Variants in MBD5 observed in about 807,000 individuals in gnomAD.
MBD5 encodes methyl-CpG binding domain protein 5.
In MBD5, 13 loss-of-function variants were observed where a neutral mutation model predicts 117.3. The ratio of observed to expected loss-of-function variants is 0.11; its 90% CI spans 0.07 to 0.18. The LOEUF is 0.18. Among genes scored for constraint, MBD5 ranks in the 10% least tolerant of loss-of-function variants. The pLI is 1.00. For synonymous variants in MBD5, 727 were observed against 766.4 expected (o/e 0.95, Z 0.85); for missense variants, 1,879 against 2,093.8 (o/e 0.90, Z 2.00).
intron 4 of MBD5, among the ~76,000 whole-genome samples, chr2:148,374,131 G>T (rs1396192605): frequency 6.6e-6 from 1 of 151,724 alleles, no homozygotes; most frequent in Non-Finnish European, 1.5e-5. Context: ...TGTTTGATTG[G>T]GTTGTAGTGA....
chr2:148,356,067 A>T (rs1703372927), intron 4 of MBD5, among the ~76,000 whole-genome samples: 1 of 152,014 alleles, frequency 6.6e-6, no homozygotes, highest in Non-Finnish European at 1.5e-5. Context: ...TAAGTATTTT[A>T]TTCTCTTTGT....
chr2:148,398,594 C>G (rs961142454), intron 4 of MBD5, among the ~76,000 whole-genome samples: 24 of 152,214 alleles, frequency 1.6e-4, no homozygotes, highest in Non-Finnish European at 2.5e-4. Context: ...TTCTCCCATT[C>G]TGTAGGTTGC....
At chr2:148,315,961 C>T (rs755370629) in intron 3 of MBD5, among the ~76,000 whole-genome samples, 21 of 152,088 alleles carry the variant, frequency 1.4e-4, no homozygotes, top group Non-Finnish European at 2.2e-4. Flanking sequence ...ATAGGCTGTA[C>T]AGGAAGCATG....
intron 1 of MBD5, among the ~76,000 whole-genome samples, chr2:148,070,179 A>G (rs939903181): frequency 3.3e-5 from 5 of 152,140 alleles, no homozygotes; most frequent in African/African-American, 1.2e-4. Flanking sequence ...TTTAGCTCCC[A>G]CATATGACTG....
chr2:148,285,488 A>G (rs1205392850), intron 3 of MBD5, among the ~76,000 whole-genome samples: 1 of 152,234 alleles, frequency 6.6e-6, no homozygotes, highest in Non-Finnish European at 1.5e-5. Flanking sequence ...TGAAGCATCT[A>G]CTTTCTTTAT....
intron 1 of MBD5, among the ~76,000 whole-genome samples, chr2:148,103,847 A>T (rs2105313223): frequency 6.6e-6 from 1 of 152,300 alleles, no homozygotes; most frequent in East Asian, 1.9e-4. Context: ...TATATAATTC[A>T]TATTATTAAA....
intron 1 of MBD5, among the ~76,000 whole-genome samples, chr2:148,149,899 A>T (rs1697594784): frequency 1.4e-5 from 2 of 142,382 alleles, no homozygotes; most frequent in East Asian, 2.1e-4. Flanking sequence ...TTGCCTGTTC[A>T]CTCTGATGGT....
chr2:148,271,468 C>T (rs1700985292), intron 3 of MBD5, among the ~76,000 whole-genome samples: 1 of 152,150 alleles, frequency 6.6e-6, no homozygotes, highest in Non-Finnish European at 1.5e-5. Flanking sequence ...TTTTCGTGCT[C>T]TCCTTGAGTT....
chr2:148,044,478 T>C (rs547596386), intron 1 of MBD5: 1 of 152,286 alleles, frequency 6.6e-6, no homozygotes, highest in Non-Finnish European at 1.5e-5. Context: ...ATGCGATGTA[T>C]TTTAGTCAAC....
intron 4 of MBD5, among the ~76,000 whole-genome samples, chr2:148,442,447 G>A (rs1471613119): frequency 2.6e-5 from 4 of 151,256 alleles, no homozygotes; most frequent in Non-Finnish European, 4.4e-5. Context: ...TGTGCTCACA[G>A]AGCTTACATT....
chr2:148,099,377 TATA>T (rs1049443906), intron 1 of MBD5, among the ~76,000 whole-genome samples: 3 of 152,142 alleles, frequency 2.0e-5, no homozygotes, highest in African/African-American at 7.2e-5. Flanking sequence ...TATATATTTT[TATA>T]ATAATATTGT....
At chr2:148,460,849 C>G (rs2105554573) in intron 5 of MBD5, among the ~76,000 whole-genome samples, 1 of 152,270 alleles carries the variant, frequency 6.6e-6, no homozygotes, top group South Asian at 2.1e-4. Flanking sequence ...CGTCCATATA[C>G]TTTCTTCTAA....
chr2:148,406,596 G>T lies in MBD5; in HGVS notation c.-556-51607G>T, dbSNP rs556671284. 3.4e-4 allele frequency among the ~76,000 whole-genome samples: 51 copies of T among 152,178 alleles called. No individual in the cohort carries two copies. The South Asian group carries it at 0.01, about 31-fold the overall frequency. ...CATCTCATTGCAATTAAAATAAAAA[G>T]CAAAACATTATGATGTCTAATAAAT... On this transcript the variant is annotated intron_variant, in intron 4 of 13. Coordinates refer to ENST00000642680, the MANE Select transcript of MBD5 (RefSeq NM_001378120.1).
At position 148,468,413 on chromosome 2, in the gene MBD5, C is replaced by A. The variant is rs746552052; in HGVS notation, c.470C>A (p.Thr157Lys). ...AGAAATAAGTCTCATGAAGGAATTA[C>A]AAATTCTGTAATGCCTGAATGTAAG... ...SVRNKSHEGI[T>K]NSVMPECKNP... The change falls in exon 8 of 14, where the codon ACA becomes AAA. Residue 157 changes from threonine (T) to lysine (K), a missense_variant. Physicochemically the swap from Thr to Lys is moderately conservative, Grantham distance 78. Around this residue, in one of 4 missense-constraint regions of MBD5, gnomAD observed 1,666 missense variants for 1,792.2 expected, o/e 0.93. Transcript: ENST00000642680. The A allele has an allele frequency of 6.2e-7, 1 of 1,613,718 alleles. No individual in the cohort carries two copies. Among genetic ancestry groups the A allele is most frequent in the Non-Finnish European group, 8.5e-7 (1 of 1,179,780 alleles).
chr2:148,403,346 AT>A (rs1704981710), intron 4 of MBD5, among the ~76,000 whole-genome samples: 1 of 151,924 alleles, frequency 6.6e-6, no homozygotes, highest in Non-Finnish European at 1.5e-5. Context: ...CACTCAGCTA[AT>A]TTTTGTACTT....
At chr2:148,332,644 G>A (rs900292488) in intron 3 of MBD5, among the ~76,000 whole-genome samples, 5 of 152,066 alleles carry the variant, frequency 3.3e-5, no homozygotes, top group African/African-American at 4.8e-5. Context: ...AGCCTCCAGT[G>A]TTGAAAAGTT....
chr2:148,072,824 T>A (rs1009144220), intron 1 of MBD5, among the ~76,000 whole-genome samples: 4 of 152,220 alleles, frequency 2.6e-5, no homozygotes, highest in Admixed American at 6.5e-5. Context: ...ATATTTCTTT[T>A]CAACAGTGGT....
chr2:148,469,119 G>A lies in MBD5; in HGVS notation c.1176G>A (p.Met392Ile). 6.2e-7 allele frequency: 1 copy of A among 1,614,028 alleles called. No homozygotes were observed. The highest frequency in any genetic ancestry group is 2.2e-5 in the East Asian group (1 of 44,856). Residue 392 changes from methionine (M) to isoleucine (I), a missense_variant, in exon 8 of 14, where the codon ATG becomes ATA. Physicochemically the swap from Met to Ile is conservative, Grantham distance 10 (BLOSUM62 1). Around this residue, in one of 4 missense-constraint regions of MBD5, gnomAD observed 1,666 missense variants for 1,792.2 expected, o/e 0.93. Coordinates refer to ENST00000642680, the MANE Select transcript of MBD5 (RefSeq NM_001378120.1). ...ATGTCCACTCTCAGGTACCTATGAT[G>A]AATGTAAGCATGCCTCCTGCTGTTG... is the stretch of plus-strand genomic sequence containing the variant. ...HSNVHSQVPMMNVSMPPAVVP... is the reference protein window; with the variant it reads ...HSNVHSQVPMINVSMPPAVVP...
intron 3 of MBD5, among the ~76,000 whole-genome samples, chr2:148,294,507 T>TGTTTTTTG: frequency 8.0e-6 from 1 of 124,258 alleles, no homozygotes; most frequent in African/African-American, 3.3e-5. Flanking sequence ...TACAGTTTTT[T>TGTTTTTTG]TTTTTTTTTT....
Sources: allele counts gnomAD v4.1 joint callset (sites outside exome capture counted in the v4.1 genomes callset), GRCh38; gene constraint gnomAD v4.1.1; regional missense constraint gnomAD v4.1.1; transcripts MANE v1.5; gene names NCBI Gene and HGNC (gene_info 2026-07-23, HGNC 2026-07-21).